SIL1: variants seen among roughly 807,000 people sequenced by gnomAD.
SIL1 encodes the protein SIL1 nucleotide exchange factor.
In SIL1, 40 loss-of-function variants were observed where a neutral mutation model predicts 49.1. The observed-to-expected ratio is 0.81, with a 90% CI of 0.63 to 1.06. The LOEUF is 1.06. SIL1 is among the 50% of genes least tolerant of loss of function. The probability of loss-of-function intolerance (pLI) is 0.00; values close to 1 mark genes in which losing one functional copy is unlikely to be tolerated. For synonymous variants in SIL1, 253 were observed against 250.8 expected (o/e 1.01, Z -0.08); for missense variants, 500 against 572.6 (o/e 0.87, Z 1.29).
At chr5:139,146,128 G>A (rs1561879912) in intron 1 of SIL1, among the ~76,000 whole-genome samples, 1 of 152,154 alleles carries the variant, frequency 6.6e-6, no homozygotes, top group Non-Finnish European at 1.5e-5. Flanking sequence ...ACAGCCATGA[G>A]CTGCTGTGCC....
chr5:138,977,860 G>A (rs565800409), intron 7 of SIL1, among the ~76,000 whole-genome samples: 36 of 152,208 alleles, frequency 2.4e-4, no homozygotes, highest in South Asian at 2.1e-3. Flanking sequence ...GGCCAAGCTT[G>A]TCCCTACCTC....
chr5:138,963,920 G>A (rs1023696018), intron 7 of SIL1, among the ~76,000 whole-genome samples: 4 of 152,200 alleles, frequency 2.6e-5, no homozygotes, highest in African/African-American at 4.8e-5. Context: ...GGGCAGATCC[G>A]CTGACTCCTC....
intron 1 of SIL1, among the ~76,000 whole-genome samples, chr5:139,142,984 G>A: frequency 6.6e-6 from 1 of 151,832 alleles, no homozygotes; most frequent in Non-Finnish European, 1.5e-5. Context: ...TAGCCAGGAT[G>A]GTCTCAATCT....
intron 9 of SIL1, 119 bp downstream of exon 9, chr5:138,951,052 T>C (rs545728939): frequency 5.3e-6 from 6 of 1,141,754 alleles, no homozygotes; most frequent in African/African-American, 3.1e-5. Context: ...TGTCCATCCA[T>C]CCAGAAGCAC....
intron 1 of SIL1, among the ~76,000 whole-genome samples, chr5:139,169,210 C>T (rs919068398): frequency 2.0e-5 from 3 of 152,170 alleles, no homozygotes; most frequent in Non-Finnish European, 2.9e-5. Flanking sequence ...CAGAAAGTCA[C>T]TGCACATGCC....
At chr5:139,044,903 A>G (rs1769119734) in intron 4 of SIL1, among the ~76,000 whole-genome samples, 1 of 152,090 alleles carries the variant, frequency 6.6e-6, no homozygotes, top group Non-Finnish European at 1.5e-5. Flanking sequence ...ATTCCTATTT[A>G]TATTGCCATT....
At chr5:138,979,761 A>G (rs1453930747) in intron 7 of SIL1, among the ~76,000 whole-genome samples, 1 of 152,246 alleles carries the variant, frequency 6.6e-6, no homozygotes, top group Non-Finnish European at 1.5e-5. Context: ...GCCAGGAGGC[A>G]GGGGTGAACA....
chr5:139,050,199 C>T (rs1490156217), intron 4 of SIL1, among the ~76,000 whole-genome samples: 1 of 152,146 alleles, frequency 6.6e-6, no homozygotes, highest in Admixed American at 6.5e-5. Flanking sequence ...CAATAAGGCC[C>T]ACAGGCCATA....
At chr5:139,004,325 T>A (rs2150413938) in intron 7 of SIL1, among the ~76,000 whole-genome samples, 1 of 152,324 alleles carries the variant, frequency 6.6e-6, no homozygotes, top group Middle Eastern at 3.4e-3. Context: ...CCAGTCTTTC[T>A]GTGGTTTCAC....
chr5:139,121,541 A>C (rs1750640705), intron 2 of SIL1, among the ~76,000 whole-genome samples: 1 of 152,246 alleles, frequency 6.6e-6, no homozygotes, highest in South Asian at 2.1e-4. Context: ...TTGATGTTTA[A>C]AACTCGCACA....
At chr5:138,982,541 A>C (rs182055704) in intron 7 of SIL1, among the ~76,000 whole-genome samples, 73 of 152,364 alleles carry the variant, frequency 4.8e-4, no homozygotes, top group South Asian at 2.7e-3. Context: ...AAACAATCAG[A>C]GCATTTTATA....
chr5:139,027,112 C>T (rs2150433607), intron 5 of SIL1, 120 bp from the exon 6 acceptor site: 1 of 889,530 alleles, frequency 1.1e-6, no homozygotes, highest in Non-Finnish European at 1.8e-6. Flanking sequence ...AGTCTTCTCT[C>T]ATCTATGCTA....
chr5:139,111,473 T>C (rs1212361556), intron 3 of SIL1, among the ~76,000 whole-genome samples: 1 of 152,172 alleles, frequency 6.6e-6, no homozygotes, highest in Admixed American at 6.5e-5. Context: ...CCAGCTCCAA[T>C]GACCCCACCT....
intron 3 of SIL1, among the ~76,000 whole-genome samples, chr5:139,070,093 T>A (rs1176370761): frequency 1.3e-5 from 2 of 152,188 alleles, no homozygotes; most frequent in Admixed American, 1.3e-4. Flanking sequence ...AAGTATATAA[T>A]GGCTACTCTG....
At chr5:139,158,113 C>A (rs2151809303) in intron 1 of SIL1, among the ~76,000 whole-genome samples, 1 of 152,290 alleles carries the variant, frequency 6.6e-6, no homozygotes, top group South Asian at 2.1e-4. Context: ...ACTGATGAGG[C>A]AGCTGAGATC....
At chr5:139,103,672 A>G (rs1770640619) in intron 3 of SIL1, among the ~76,000 whole-genome samples, 3 of 152,320 alleles carry the variant, frequency 2.0e-5, no homozygotes, top group African/African-American at 7.2e-5. Context: ...TGCAGAGGAA[A>G]GCAAATTCTC....
At chr5:139,173,936 G>A (rs1173868667) in intron 1 of SIL1, among the ~76,000 whole-genome samples, 3 of 150,342 alleles carry the variant, frequency 2.0e-5, no homozygotes, top group Non-Finnish European at 4.4e-5. Context: ...TCCAGCCTGG[G>A]TGACAGAGTG....
At chr5:139,165,617 TG>T (rs1751602139) in intron 1 of SIL1, among the ~76,000 whole-genome samples, 1 of 152,088 alleles carries the variant, frequency 6.6e-6, no homozygotes, top group Non-Finnish European at 1.5e-5. Context: ...CCCAAATTGC[TG>T]GGATTACAGG....
chr5:139,091,590 A>T (rs943167763), intron 3 of SIL1, among the ~76,000 whole-genome samples: 11 of 152,216 alleles, frequency 7.2e-5, no homozygotes, highest in African/African-American at 2.7e-4. Flanking sequence ...CAGCCCCTAT[A>T]AAGGGGAATT....
Sources: allele counts gnomAD v4.1 joint callset (sites outside exome capture counted in the v4.1 genomes callset), GRCh38; gene constraint gnomAD v4.1.1; transcripts MANE v1.5; gene names NCBI Gene and HGNC (gene_info 2026-07-23, HGNC 2026-07-21).